The following PAFAH1B1 variants were observed in gnomAD, a reference collection of about 807,000 sequenced individuals.
The protein encoded by PAFAH1B1 is platelet activating factor acetylhydrolase 1b regulatory subunit 1.
A neutral mutation model predicts 57.5 loss-of-function variants in PAFAH1B1; 2 were observed. The observed-to-expected ratio is 0.03, with a 90% confidence interval of 0.01 to 0.11. The LOEUF is 0.11. Among genes scored for constraint, PAFAH1B1 ranks in the 10% least tolerant of loss-of-function variants. The pLI, the probability that PAFAH1B1 is intolerant of heterozygous loss-of-function variation, is 1.00. For missense variants in PAFAH1B1, 257 were observed against 512.0 expected (o/e 0.50, Z 4.81); for synonymous variants, 152 against 169.6 (o/e 0.90, Z 0.81).
intron 10 of PAFAH1B1, chr17:2,681,013 G>C: frequency 6.3e-6 from 1 of 159,188 alleles, no homozygotes; most frequent in Non-Finnish European, 1.4e-5. Context: ...GAGCCCAGGA[G>C]TTCTGGGTTA....
chr17:2,657,987 A>T lies in PAFAH1B1; in HGVS notation c.33-7385A>T, dbSNP rs556787218. Among the ~76,000 whole-genome samples the T allele has an allele frequency of 8.1e-4, 124 of 152,324 alleles. 2 individuals carry two copies. The highest frequency in any genetic ancestry group is 2.8e-3 in the African/African-American group (117 of 41,566). On this transcript the variant is annotated intron_variant, in intron 2 of 10. Coordinates refer to ENST00000397195, the MANE Select transcript of PAFAH1B1 (RefSeq NM_000430.4). ...TTGTATTGTGTATCTTTCCTATTGT[A>T]CAACCTGACTTTGCCTTATGAGTTT... is the stretch of plus-strand genomic sequence containing the variant.
At chr17:2,650,113 T>C (rs1413104717) in intron 2 of PAFAH1B1, among the ~76,000 whole-genome samples, 1 of 152,212 alleles carries the variant, frequency 6.6e-6, no homozygotes, top group African/African-American at 2.4e-5. Flanking sequence ...GGCCAGGCAC[T>C]GTGGCTTAGG....
intron 1 of PAFAH1B1, among the ~76,000 whole-genome samples, chr17:2,635,967 A>G (rs1377235663): frequency 1.3e-5 from 2 of 151,638 alleles, no homozygotes; most frequent in Non-Finnish European, 1.5e-5. Context: ...AAAAAAAAAA[A>G]AAAAAATTAG....
chr17:2,679,634 A>T (rs919963938), intron 9 of PAFAH1B1: 1 of 144,566 alleles, frequency 6.9e-6, no homozygotes, highest in African/African-American at 2.8e-5. Flanking sequence ...GGATGATTGG[A>T]TGGATGGATG....
intron 1 of PAFAH1B1, among the ~76,000 whole-genome samples, chr17:2,601,898 A>G (rs1171667685): frequency 6.6e-6 from 1 of 152,220 alleles, no homozygotes; most frequent in Non-Finnish European, 1.5e-5. Flanking sequence ...AGCCTAAGAA[A>G]AAATATTTTT....
chr17:2,685,573 C>T lies in PAFAH1B1; in HGVS notation c.*3771C>T, dbSNP rs576544802. 6.8e-6 allele frequency: 1 copy of T among 147,854 alleles called. No homozygotes were observed. Among genetic ancestry groups the T allele is most frequent in the African/African-American group, 2.5e-5 (1 of 39,852 alleles). 9.2% of individuals were successfully genotyped at this position (147,854 alleles called of 1,614,324 possible). A position where few individuals can be genotyped will look rare whatever the true frequency, so the allele number is the denominator to read the frequency against. ...TCATGTTTTCTGCATATTAAAAAAT[C>T]TTATTGTACCAACTGGTAAACTATT... On this transcript the variant is annotated 3_prime_UTR_variant, in exon 11 of 11. Transcript: ENST00000397195.
intron 2 of PAFAH1B1, among the ~76,000 whole-genome samples, chr17:2,644,311 A>G (rs1022024876): frequency 6.6e-6 from 1 of 151,914 alleles, no homozygotes; most frequent in African/African-American, 2.4e-5. Flanking sequence ...GGAGGCCGAG[A>G]CGGGTGCATG....
intron 1 of PAFAH1B1, among the ~76,000 whole-genome samples, chr17:2,621,090 C>T (rs1359664681): frequency 6.6e-6 from 1 of 151,836 alleles, no homozygotes; most frequent in Non-Finnish European, 1.5e-5. Flanking sequence ...TCTTCTGTCT[C>T]ATAAATGAAT....
intron 2 of PAFAH1B1, among the ~76,000 whole-genome samples, chr17:2,646,255 A>G (rs2068767223): frequency 6.6e-6 from 1 of 152,154 alleles, no homozygotes; most frequent in Admixed American, 6.5e-5. Flanking sequence ...AGTTTTTTAA[A>G]GAGAAAATTT....
At chr17:2,677,916 G>A (rs2069297743) in intron 9 of PAFAH1B1, among the ~76,000 whole-genome samples, 1 of 152,022 alleles carries the variant, frequency 6.6e-6, no homozygotes. Flanking sequence ...TATTCTGAGC[G>A]GAGTTCAGCT....
rs116534359 is a variant in PAFAH1B1 at position 2,662,180 on chromosome 17, G to A, written c.33-3192G>A. Among the ~76,000 whole-genome samples the A allele has an allele frequency of 2.3e-3, 355 of 151,860 alleles. 1 individual carries two copies. Among genetic ancestry groups the A allele is most frequent in the Admixed American group, 3.7e-3 (57 of 15,238 alleles). On this transcript the variant is annotated intron_variant, in intron 2 of 10. Transcript: ENST00000397195. ...GAAGTCAGCTAAAGTGCTTAAAATCGAATGCTGGCATTTTCATAAACTTGT... is the reference window on the plus strand; with the variant it reads ...GAAGTCAGCTAAAGTGCTTAAAATCAAATGCTGGCATTTTCATAAACTTGT...
intron 2 of PAFAH1B1, chr17:2,639,323 C>G (rs1381662992): frequency 6.6e-6 from 1 of 152,168 alleles, no homozygotes; most frequent in Non-Finnish European, 1.5e-5. Context: ...CTTGTTATCA[C>G]TGATGTCTTT....
rs1567554200 is a variant in PAFAH1B1 at position 2,664,694 on chromosome 17, T to TCTCTCTC, written c.33-678_33-677insCTCTCTC. On this transcript the variant is annotated intron_variant, in intron 2 of 10. Coordinates refer to ENST00000397195, the MANE Select transcript of PAFAH1B1 (RefSeq NM_000430.4). ...TCTCTCTCTCTCTCTCTCTCTCTCT[T>TCTCTCTC]TCTCTCTCCATCTATAAAGCCCAAA... 9.6e-3 allele frequency among the ~76,000 whole-genome samples: 1,099 copies of TCTCTCTC among 114,514 alleles called. 21 individuals carry two copies. Among genetic ancestry groups the TCTCTCTC allele is most frequent in the Non-Finnish European group, 0.015 (739 of 49,908 alleles). The allele number at this position is 114,514 out of a possible 152,430, so 75.1% of individuals were successfully genotyped here.
At chr17:2,623,895 G>A (rs772338567) in intron 1 of PAFAH1B1, among the ~76,000 whole-genome samples, 6 of 149,972 alleles carry the variant, frequency 4.0e-5, no homozygotes, top group South Asian at 4.2e-4. Context: ...CCACCTTGGC[G>A]TCCCAAAATG....
intron 2 of PAFAH1B1, among the ~76,000 whole-genome samples, chr17:2,654,927 CCACCCTGCGTGGCT>C (rs2068916772): frequency 6.6e-6 from 1 of 151,798 alleles, no homozygotes; most frequent in African/African-American, 2.4e-5. Context: ...CAGGTGTGAG[CCACCCTGCGTGGCT>C]TTTTTTTTTC....
chr17:2,645,486 G>A (rs1391904273), intron 2 of PAFAH1B1, among the ~76,000 whole-genome samples: 3 of 151,358 alleles, frequency 2.0e-5, no homozygotes, highest in Non-Finnish European at 4.4e-5. Context: ...CCAGCTAGTC[G>A]GGAGGCTGAG....
At chr17:2,633,961 C>CTTTTTTTTTTTTTTTTTT (rs553588827) in intron 1 of PAFAH1B1, among the ~76,000 whole-genome samples, 1 of 119,746 alleles carries the variant, frequency 8.4e-6, no homozygotes, top group Non-Finnish European at 1.7e-5. Flanking sequence ...AGTACCAAAC[C>CTTTTTTTTTTTTTTTTTT]TTTTTTTTTT....
At chr17:2,646,103 C>T (rs566308962) in intron 2 of PAFAH1B1, among the ~76,000 whole-genome samples, 7 of 151,108 alleles carry the variant, frequency 4.6e-5, no homozygotes, top group South Asian at 2.1e-4. Flanking sequence ...AGGATAAGAA[C>T]GACAAAATAA....
At chr17:2,635,658 G>A (rs891235361) in intron 1 of PAFAH1B1, 3 of 152,204 alleles carry the variant, frequency 2.0e-5, no homozygotes, top group Non-Finnish European at 2.9e-5. Context: ...GAGCCACCAT[G>A]TACTACACTG....
Sources: allele counts gnomAD v4.1 joint callset (sites outside exome capture counted in the v4.1 genomes callset), GRCh38; gene constraint gnomAD v4.1.1; transcripts MANE v1.5; gene names NCBI Gene and HGNC (gene_info 2026-07-23, HGNC 2026-07-21).